Variants in PWWP2B observed in about 807,000 individuals in gnomAD.
PWWP2B encodes the protein PWWP domain containing 2B.
In PWWP2B, 9 loss-of-function variants were observed where a neutral mutation model predicts 15.5. That is an observed-to-expected ratio of 0.58 (90% CI 0.35 to 1.02). The LOEUF is 1.02. Ranked by LOEUF, PWWP2B falls within the 50% of genes least tolerant of loss-of-function variation. PWWP2B has a pLI of 0.02. For missense variants in PWWP2B, 864 were observed against 865.3 expected (o/e 1.00, Z 0.02); for synonymous variants, 474 against 403.6 (o/e 1.17, Z -2.09).
At chr10:132,401,834 G>C (rs143869735) in intron 1 of PWWP2B, among the ~76,000 whole-genome samples, 1 of 152,250 alleles carries the variant, frequency 6.6e-6, no homozygotes, top group Non-Finnish European at 1.5e-5. Flanking sequence ...GGCAGGAGCC[G>C]AGGTCCCAGC....
intron 2 of PWWP2B, among the ~76,000 whole-genome samples, chr10:132,411,957 G>T (rs561127391): frequency 1.3e-5 from 2 of 152,240 alleles, no homozygotes; most frequent in Admixed American, 6.5e-5. Context: ...CAGGTCCCAC[G>T]TGAAGGTTGT....
At chr10:132,413,735 T>C (rs2069811128) in intron 2 of PWWP2B, among the ~76,000 whole-genome samples, 1 of 152,220 alleles carries the variant, frequency 6.6e-6, no homozygotes, top group African/African-American at 2.4e-5. Flanking sequence ...CCTCGCCTCC[T>C]TGTGATGTGC....
chr10:132,403,556 TG>T (rs1229783667), intron 1 of PWWP2B, among the ~76,000 whole-genome samples: 1 of 152,208 alleles, frequency 6.6e-6, no homozygotes, highest in Non-Finnish European at 1.5e-5. Context: ...TGGCTGCACT[TG>T]GGCCTCGAGA....
At position 132,405,124 on chromosome 10, in the gene PWWP2B, G is replaced by A. The variant is rs757852793; in HGVS notation, c.624G>A (p.Pro208=). 76 of 1,542,814 alleles carry A rather than the reference G, an allele frequency of 4.9e-5. No individual in the cohort carries two copies. The African/African-American group carries it at 7.7e-4, about 16-fold the overall frequency. ...CCCGCAGGAGGCTGGGCAGCGGCCC[G>A]GACAGGGAGCTCCGCAAGCCGGAGG... is the stretch of plus-strand genomic sequence containing the variant. ...PRARRRLGSG[P]DRELRKPEEP... Residue 208 remains proline, a synonymous_variant, in exon 2 of 3, where the codon CCG becomes CCA. Transcript: ENST00000305233.
intron 2 of PWWP2B, among the ~76,000 whole-genome samples, chr10:132,413,520 T>C (rs2069808688): frequency 1.3e-5 from 2 of 152,220 alleles, no homozygotes; most frequent in South Asian, 4.1e-4. Flanking sequence ...AGAACACACT[T>C]AAGCATCTTC....
At chr10:132,414,192 G>A (rs560215082) in intron 2 of PWWP2B, among the ~76,000 whole-genome samples, 3 of 152,338 alleles carry the variant, frequency 2.0e-5, no homozygotes, top group East Asian at 1.9e-4. Flanking sequence ...TGTTCGGGAC[G>A]AAGGGCCCGT....
intron 1 of PWWP2B, among the ~76,000 whole-genome samples, chr10:132,403,315 G>A (rs953669095): frequency 1.3e-5 from 2 of 151,960 alleles, no homozygotes; most frequent in African/African-American, 2.4e-5. Flanking sequence ...TTGCTTTTCT[G>A]TCTCTTTCTC....
At chr10:132,413,621 G>A (rs879574779) in intron 2 of PWWP2B, among the ~76,000 whole-genome samples, 1 of 152,344 alleles carries the variant, frequency 6.6e-6, no homozygotes, top group Middle Eastern at 3.4e-3. Context: ...GTCCACTCCC[G>A]TCCTGGTCTC....
At chr10:132,415,556 CACAAACACACAT>C (rs2069838731) in intron 2 of PWWP2B, among the ~76,000 whole-genome samples, 1 of 138,292 alleles carries the variant, frequency 7.2e-6, no homozygotes, top group African/African-American at 2.8e-5. Context: ...CACACATTCA[CACAAACACACAT>C]ACACACACAT....
chr10:132,415,260 C>A (rs1167151888), intron 2 of PWWP2B, among the ~76,000 whole-genome samples: 7 of 130,622 alleles, frequency 5.4e-5, no homozygotes, highest in African/African-American at 8.8e-5. Flanking sequence ...ACACACACAC[C>A]CGCTCACACA....
rs565707980 is a variant in PWWP2B at position 132,403,049 on chromosome 10, C to T, written c.126-1577C>T. 2.2e-4 allele frequency among the ~76,000 whole-genome samples: 33 copies of T among 152,352 alleles called. 1 individual carries two copies. The South Asian group carries it at 3.3e-3, about 15-fold the overall frequency. ...TAGCCCATCAGAGTTGAAGGCAGCC[C>T]GCTTCCCACGGCTGCTGCAGGGCTC... On this transcript the variant is annotated intron_variant, in intron 1 of 2. Transcript: ENST00000305233.
At chr10:132,400,328 G>C (rs561448049) in intron 1 of PWWP2B, among the ~76,000 whole-genome samples, 139 of 152,260 alleles carry the variant, frequency 9.1e-4, no homozygotes, top group African/African-American at 3.2e-3. Flanking sequence ...AGGAGGGTGT[G>C]GGGTGGGGGC....
chr10:132,402,464 C>T (rs927576963), intron 1 of PWWP2B, among the ~76,000 whole-genome samples: 12 of 152,236 alleles, frequency 7.9e-5, no homozygotes, highest in African/African-American at 2.4e-4. Flanking sequence ...AGCAAGGGGC[C>T]GTAAGCATGC....
chr10:132,404,897 C>G lies in PWWP2B; in HGVS notation c.397C>G (p.Arg133Gly). 6.3e-7 allele frequency: 1 copy of G among 1,595,274 alleles called. No homozygotes were observed. The highest frequency in any genetic ancestry group is 2.2e-5 in the East Asian group (1 of 44,754). Reference protein sequence around the residue: ...GAPFPHPLWLRDTYKLWVPQP... With the variant: ...GAPFPHPLWLGDTYKLWVPQP... ...CCCCTTCCCTCACCCGCTGTGGCTC[C>G]GGGACACGTACAAGCTGTGGGTGCC... The change falls in exon 2 of 3, where the codon CGG (arginine) becomes GGG (glycine). Residue 133 changes from arginine to glycine, a missense_variant. Arg to Gly is a moderately radical substitution (Grantham distance 125). Coordinates refer to ENST00000305233, the MANE Select transcript of PWWP2B (RefSeq NM_138499.4).
chr10:132,408,723 C>T (rs116445012), intron 2 of PWWP2B, among the ~76,000 whole-genome samples: 7,801 of 152,332 alleles, frequency 0.051, 222 homozygotes, highest in Middle Eastern at 0.1. Context: ...CCGCAGGCAC[C>T]ACGAGATCGG....
In PWWP2B at chr10:132,405,022, C is replaced by A; in HGVS notation, c.522C>A (p.Arg174=). 1.3e-6 allele frequency: 2 copies of A among 1,532,046 alleles called. No individual in the cohort carries two copies. Among genetic ancestry groups the A allele is most frequent in the Non-Finnish European group, 1.7e-6 (2 of 1,144,026 alleles). 94.9% of individuals were successfully genotyped at this position (1,532,046 alleles called of 1,614,324 possible). Residue 174 remains arginine, a synonymous_variant, in exon 2 of 3, where the codon CGC becomes CGA. Coordinates refer to ENST00000305233, the MANE Select transcript of PWWP2B (RefSeq NM_138499.4). Reference sequence around the variant, plus strand: ...TCAGCACCATCCGCCTGCGGCCGCGCCAGGTGCTCTGTGAGAAGTGCAAGA... The same window carrying A: ...TCAGCACCATCCGCCTGCGGCCGCGACAGGTGCTCTGTGAGAAGTGCAAGA... ...LILSTIRLRP[R]QVLCEKCKST...
rs530896832 is a variant in PWWP2B at position 132,417,323 on chromosome 10, T to C, written c.*279T>C. 67 of 525,086 alleles carry C rather than the reference T, an allele frequency of 1.3e-4. No individual in the cohort carries two copies. Among genetic ancestry groups the C allele is most frequent in the African/African-American group, 1.2e-3 (62 of 51,064 alleles). 32.5% of individuals were successfully genotyped at this position (525,086 alleles called of 1,614,324 possible). A position where few individuals can be genotyped will look rare whatever the true frequency, so the allele number is the denominator to read the frequency against. ...CAGTCGGGACTCGTGACTTGCTGGC[T>C]GCTGGCTGCTGCTGCCTCGCGCGCT... On this transcript the variant is annotated 3_prime_UTR_variant, in exon 3 of 3. Coordinates refer to ENST00000305233, the MANE Select transcript of PWWP2B (RefSeq NM_138499.4).
chr10:132,411,158 C>G (rs1199734982), intron 2 of PWWP2B, among the ~76,000 whole-genome samples: 1 of 152,192 alleles, frequency 6.6e-6, no homozygotes, highest in Non-Finnish European at 1.5e-5. Context: ...CAGGGCTGTG[C>G]GCCTTCAGCT....
chr10:132,406,539 G>A (rs777762335), intron 2 of PWWP2B, among the ~76,000 whole-genome samples: 10 of 152,266 alleles, frequency 6.6e-5, no homozygotes, highest in Admixed American at 5.2e-4. Flanking sequence ...AGCACACAGC[G>A]AGTTTGTGTT....
Sources: allele counts gnomAD v4.1 joint callset (sites outside exome capture counted in the v4.1 genomes callset), GRCh38; gene constraint gnomAD v4.1.1; transcripts MANE v1.5; gene names NCBI Gene and HGNC (gene_info 2026-07-23, HGNC 2026-07-21).